The following RAVER1 variants were observed in gnomAD, a reference collection of about 807,000 sequenced individuals.
RAVER1 encodes ribonucleoprotein PTB-binding 1.
RAVER1 carries 36 observed loss-of-function variants against 68.4 expected under a neutral mutation model. That is an observed-to-expected ratio of 0.53 (90% CI 0.40 to 0.70). RAVER1 has a LOEUF of 0.70. Among genes scored for constraint, RAVER1 ranks in the 30% least tolerant of loss-of-function variants. The pLI, the probability that RAVER1 is intolerant of heterozygous loss-of-function variation, is 0.00. For missense variants in RAVER1, 933 were observed against 1,019.8 expected, an observed-to-expected ratio of 0.91 and a Z score of 1.16; for synonymous variants, 469 against 472.7, an observed-to-expected ratio of 0.99 and a Z score of 0.10.
In RAVER1 at chr19:10,329,396, G is replaced by A. The variant is rs1394760502; in HGVS notation, c.287-285C>T. 6.6e-6 allele frequency among the ~76,000 whole-genome samples: 1 copy of A among 152,218 alleles called. No individual in the cohort carries two copies. Among genetic ancestry groups the A allele is most frequent in the South Asian group, 2.1e-4 (1 of 4,832 alleles). ...GTCCTAAGAACGCTGTGGGTCACTC[G>A]GGTGATACCAAGGGCAGTGGTTAAG... On this transcript the variant is annotated intron_variant, in intron 2 of 12. Coordinates refer to ENST00000617231, the MANE Select transcript of RAVER1 (RefSeq NM_133452.3). This position sits in a 1 kb window ranked among gnomAD's most constrained non-coding sequence, Gnocchi z 4.6.
At chr19:10,319,860 G>C (rs1420915954) in intron 9 of RAVER1, among the ~76,000 whole-genome samples, 1 of 151,466 alleles carries the variant, frequency 6.6e-6, no homozygotes, top group African/African-American at 2.4e-5. Flanking sequence ...GGCTGGTCTT[G>C]AACTCTTGAC....
Position 10,322,773 on chromosome 19 carries a change from C to T in RAVER1, c.1079-34G>A, listed in dbSNP as rs551062884. On this transcript the variant is annotated intron_variant, in intron 5 of 12. Transcript: ENST00000617231. The surrounding 1 kb of genome is among the most constrained non-coding windows in gnomAD (Gnocchi z 4.3). ...AGACATAGGAGGATGTGTGGGGGTC[C>T]CTGTGTCCTCCCTGCCCCACCTCAC... The T allele has an allele frequency of 1.6e-6, 2 of 1,264,750 alleles. No individual in the cohort carries two copies. The highest frequency in any genetic ancestry group is 2.9e-5 in the East Asian group (1 of 34,406). 78.3% of individuals were successfully genotyped at this position (1,264,750 alleles called of 1,614,324 possible).
Position 10,316,281 on chromosome 19 carries a change from C to G in RAVER1, c.*1173G>C. 8.0e-7 allele frequency: 1 copy of G among 1,245,460 alleles called. No homozygotes were observed. The highest frequency in any genetic ancestry group is 1.0e-6 in the Non-Finnish European group (1 of 992,408). 77.2% of individuals were successfully genotyped at this position (1,245,460 alleles called of 1,614,324 possible). On this transcript the variant is annotated 3_prime_UTR_variant, in exon 13 of 13. Coordinates refer to ENST00000617231, the MANE Select transcript of RAVER1 (RefSeq NM_133452.3). ...CCGTGTGGGGAGACTGGGGTGGGGT[C>G]GGGGGAATAGTCCCCTTGGAGTGGA...
At position 10,323,324 on chromosome 19, in the gene RAVER1, C is replaced by T. The variant is rs779029644; in HGVS notation, c.949-50G>A. The T allele has an allele frequency of 1.9e-6, 3 of 1,610,700 alleles. No homozygotes were observed. The highest frequency in any genetic ancestry group is 2.7e-5 in the African/African-American group (2 of 74,924). On this transcript the variant is annotated intron_variant, in intron 4 of 12. Transcript: ENST00000617231. This position sits in a 1 kb window ranked among gnomAD's most constrained non-coding sequence, Gnocchi z 6.2. ...CAGAGTGCCGCTGGGGCCCTGACAT[C>T]CCCATGGGGCTCCCATCCCCACCCC... is the stretch of plus-strand genomic sequence containing the variant.
chr19:10,323,624 G>A lies in RAVER1; in HGVS notation c.757-58C>T, dbSNP rs192488688. On this transcript the variant is annotated intron_variant, in intron 3 of 12. Transcript: ENST00000617231. This position sits in a 1 kb window ranked among gnomAD's most constrained non-coding sequence, Gnocchi z 6.2. ...TGGGCAGCAGTGACTGCACCACCCC[G>A]GGAAGTGACAACCGTAACCAGACTC... is the stretch of plus-strand genomic sequence containing the variant. The A allele has an allele frequency of 9.1e-4, 1,376 of 1,517,396 alleles. 10 individuals are homozygous for A. The African/African-American group carries it at 0.017, about 19-fold the overall frequency. 94.0% of individuals were successfully genotyped at this position (1,517,396 alleles called of 1,614,324 possible).
Position 10,317,207 on chromosome 19 carries a change from C to T in RAVER1, c.*247G>A, listed in dbSNP as rs553958391. The T allele has an allele frequency of 1.3e-3, 712 of 535,986 alleles. 14 individuals carry two copies. The South Asian group carries it at 0.014, about 11-fold the overall frequency. The allele number at this position is 535,986 out of a possible 1,614,324, so 33.2% of individuals were successfully genotyped here. A position where few individuals can be genotyped will look rare whatever the true frequency, so the allele number is the denominator to read the frequency against. On this transcript the variant is annotated 3_prime_UTR_variant, in exon 13 of 13. Coordinates refer to ENST00000617231, the MANE Select transcript of RAVER1 (RefSeq NM_133452.3). This position sits in a 1 kb window ranked among gnomAD's most constrained non-coding sequence, Gnocchi z 4.3. ...ATGGGGGGAGGGAGGGAGAGCAGGCCGGGGCCCCTCTCTCTTAAGGCTGCA... is the reference window on the plus strand; with the variant it reads ...ATGGGGGGAGGGAGGGAGAGCAGGCTGGGGCCCCTCTCTCTTAAGGCTGCA...
At position 10,329,804 on chromosome 19, in the gene RAVER1, G is replaced by A. The variant is rs978744292; in HGVS notation, c.286+656C>T. Among the ~76,000 whole-genome samples, 9 of 152,080 alleles carry A rather than the reference G, an allele frequency of 5.9e-5. No individual in the cohort carries two copies. Among genetic ancestry groups the A allele is most frequent in the African/African-American group, 7.2e-5 (3 of 41,418 alleles). The stretch of plus-strand genomic sequence containing the variant: ...GGTGCAGTGCAGCCTGTGCGGGCTC[G>A]CTGACCTCCCCTCCCATCTCACCGC... On this transcript the variant is annotated intron_variant, in intron 2 of 12. Transcript: ENST00000617231. This position sits in a 1 kb window ranked among gnomAD's most constrained non-coding sequence, Gnocchi z 4.6.
At chr19:10,330,729 G>A (rs2040508963) in intron 1 of RAVER1, among the ~76,000 whole-genome samples, 1 of 152,196 alleles carries the variant, frequency 6.6e-6, no homozygotes, top group Non-Finnish European at 1.5e-5. Flanking sequence ...GAACCTAGCT[G>A]CAGACTGTGC....
At chr19:10,318,714 C>T (rs1202126185) in intron 10 of RAVER1, among the ~76,000 whole-genome samples, 1 of 152,166 alleles carries the variant, frequency 6.6e-6, no homozygotes, top group Admixed American at 6.6e-5. Flanking sequence ...AGAGCTGGCA[C>T]GTGGGTACCC....
At chr19:10,330,728 T>C (rs2040508946) in intron 1 of RAVER1, among the ~76,000 whole-genome samples, 1 of 152,208 alleles carries the variant, frequency 6.6e-6, no homozygotes, top group African/African-American at 2.4e-5. Context: ...AGAACCTAGC[T>C]GCAGACTGTG....
chr19:10,323,607 A>G lies in RAVER1; in HGVS notation c.757-41T>C. ...AGGCAGTCATGAGCATCTGGGCAGC[A>G]GTGACTGCACCACCCCGGGAAGTGA... On this transcript the variant is annotated intron_variant, in intron 3 of 12. Coordinates refer to ENST00000617231, the MANE Select transcript of RAVER1 (RefSeq NM_133452.3). The surrounding 1 kb of genome is among the most constrained non-coding windows in gnomAD (Gnocchi z 6.2). The G allele has an allele frequency of 1.3e-6, 2 of 1,543,362 alleles. No homozygotes were observed. Among genetic ancestry groups the G allele is most frequent in the Middle Eastern group, 1.8e-4 (1 of 5,422 alleles).
rs1415753761 is a variant in RAVER1, at chr19:10,322,680, G to A, written c.1138C>T (p.Leu380=). The A allele has an allele frequency of 1.9e-6, 3 of 1,544,822 alleles. 1 individual carries two copies. The highest frequency in any genetic ancestry group is 2.5e-5 in the South Asian group (2 of 79,160). Residue 380 remains leucine (L), a synonymous_variant, in exon 6 of 13, where the codon CTG becomes TTG. Transcript: ENST00000617231. The surrounding 1 kb of genome is among the most constrained non-coding windows in gnomAD (Gnocchi z 4.3). The part of the protein sequence containing the change: ...LLNGPALSTA[L]LQLALQTQGQ... ...TGGGTCTGCAGGGCGAGCTGCAACA[G>A]CGCCGTGGACAGGGCTGGCCCATTG... is the stretch of plus-strand genomic sequence containing the variant.
Position 10,317,619 on chromosome 19 carries a change from G to T in RAVER1, c.2074-19C>A. The T allele has an allele frequency of 1.3e-6, 2 of 1,590,338 alleles. No individual in the cohort carries two copies. The highest frequency in any genetic ancestry group is 1.7e-6 in the Non-Finnish European group (2 of 1,168,132). Reference sequence around the variant, plus strand: ...GTGGGGTCTGGAGACAGAGGGCAGGGCGGGGCGGGTCAGGGGCCGCTGGGG... The same window carrying T: ...GTGGGGTCTGGAGACAGAGGGCAGGTCGGGGCGGGTCAGGGGCCGCTGGGG... On this transcript the variant is annotated intron_variant, in intron 12 of 12. Coordinates refer to ENST00000617231, the MANE Select transcript of RAVER1 (RefSeq NM_133452.3). This position sits in a 1 kb window ranked among gnomAD's most constrained non-coding sequence, Gnocchi z 4.3.
chr19:10,331,383 AT>A (rs1385273751), intron 1 of RAVER1, among the ~76,000 whole-genome samples: 3,015 of 57,738 alleles, frequency 0.052, 149 homozygotes, highest in Non-Finnish European at 0.071. Context: ...AAAAAAAAAA[AT>A]AACAACAACA....
At chr19:10,319,911 A>T (rs553696066) in intron 9 of RAVER1, among the ~76,000 whole-genome samples, 1 of 151,854 alleles carries the variant, frequency 6.6e-6, no homozygotes, top group African/African-American at 2.4e-5. Context: ...AAGTGCTGGG[A>T]TTATAGGCAT....
chr19:10,317,648 C>G lies in RAVER1; in HGVS notation c.2073+42G>C. 1.3e-6 allele frequency: 2 copies of G among 1,538,334 alleles called. No individual in the cohort carries two copies. The highest frequency in any genetic ancestry group is 2.3e-5 in the South Asian group (2 of 85,404). ...GGCGGGTCAGGGGCCGCTGGGGGGCCGGGGCTTCCCAGCCCTGCATGTCCC... is the reference window on the plus strand; with the variant it reads ...GGCGGGTCAGGGGCCGCTGGGGGGCGGGGGCTTCCCAGCCCTGCATGTCCC... On this transcript the variant is annotated intron_variant, in intron 12 of 12. Transcript: ENST00000617231. This position sits in a 1 kb window ranked among gnomAD's most constrained non-coding sequence, Gnocchi z 4.3.
chr19:10,323,344 C>A lies in RAVER1; in HGVS notation c.948+31G>T. 1 of 1,607,670 alleles carries A rather than the reference C, an allele frequency of 6.2e-7. No homozygotes were observed. Among genetic ancestry groups the A allele is most frequent in the African/African-American group, 1.3e-5 (1 of 74,864 alleles). ...GACATCCCCATGGGGCTCCCATCCC[C>A]ACCCCGCCACCTCTGCCCGCACAGG... On this transcript the variant is annotated intron_variant, in intron 4 of 12. Transcript: ENST00000617231. This position sits in a 1 kb window ranked among gnomAD's most constrained non-coding sequence, Gnocchi z 6.2.
intron 1 of RAVER1, among the ~76,000 whole-genome samples, chr19:10,330,834 C>T (rs979110879): frequency 3.9e-5 from 6 of 152,164 alleles, no homozygotes; most frequent in African/African-American, 1.2e-4. Flanking sequence ...GAGGCCGAGG[C>T]GGGTGAATCA....
Position 10,328,196 on chromosome 19 carries a change from C to G in RAVER1, c.756+446G>C, listed in dbSNP as rs2040488532. The stretch of plus-strand genomic sequence containing the variant: ...GAGGAGGTGAGTGGTGAGCAAGCCT[C>G]GAGATCCATAGTTACAAGAGTGGCC... On this transcript the variant is annotated intron_variant, in intron 3 of 12. Coordinates refer to ENST00000617231, the MANE Select transcript of RAVER1 (RefSeq NM_133452.3). This position sits in a 1 kb window ranked among gnomAD's most constrained non-coding sequence, Gnocchi z 4.4. Among the ~76,000 whole-genome samples, 1 of 152,108 alleles carries G rather than the reference C, an allele frequency of 6.6e-6. No homozygotes were observed. Among genetic ancestry groups the G allele is most frequent in the Non-Finnish European group, 1.5e-5 (1 of 68,026 alleles).
Sources: gnomAD v4.1 joint callset for allele counts (sites outside exome capture counted in the v4.1 genomes callset) on GRCh38, gnomAD v4.1.1 for gene constraint, Gnocchi (gnomAD v3.1) non-coding constraint, MANE v1.5 for transcripts, NCBI Gene and HGNC (gene_info 2026-07-23, HGNC 2026-07-21) for gene names.